The following SLC2A9 variants were observed in gnomAD, a reference collection of about 807,000 sequenced individuals.
SLC2A9 encodes solute carrier family 2, facilitated glucose transporter member 9.
In SLC2A9, 39 loss-of-function variants were observed where a neutral mutation model predicts 50.6. The ratio of observed to expected loss-of-function variants is 0.77; its 90% CI spans 0.60 to 1.01. The LOEUF (loss-of-function observed/expected upper bound fraction) is 1.01, where lower values mean the gene tolerates loss of function less well. Ranked by LOEUF, SLC2A9 falls within the 50% of genes least tolerant of loss-of-function variation. The pLI is 0.00. For missense variants in SLC2A9, 686 were observed against 677.6 expected (o/e 1.01, Z -0.14); for synonymous variants, 324 against 276.9 (o/e 1.17, Z -1.69).
chr4:10,017,773 G>A (rs780524144), intron 2 of SLC2A9, among the ~76,000 whole-genome samples: 7 of 151,846 alleles, frequency 4.6e-5, no homozygotes, highest in Admixed American at 1.3e-4. Context: ...GGAGCTCCCC[G>A]CATTTCCCCA....
chr4:10,015,284 C>T (rs1041589010), intron 2 of SLC2A9, among the ~76,000 whole-genome samples: 3 of 152,132 alleles, frequency 2.0e-5, no homozygotes, highest in Admixed American at 6.5e-5. Flanking sequence ...GGACTGTTGG[C>T]GCCTGCCATT....
rs1032608881 is a variant in SLC2A9 at position 9,799,861 on chromosome 4, G to T, written n.421-620C>A. Among the ~76,000 whole-genome samples, 2 of 152,210 alleles carry T rather than the reference G, an allele frequency of 1.3e-5. 1 individual carries two copies. Among genetic ancestry groups the T allele is most frequent in the African/African-American group, 4.8e-5 (2 of 41,542 alleles). Reference sequence around the variant, plus strand: ...CCAGATGGCAGTCAGCAAGAGAACCGTTACTGAGGGTTGGAAAGATGGTAA... The same window carrying T: ...CCAGATGGCAGTCAGCAAGAGAACCTTTACTGAGGGTTGGAAAGATGGTAA... On this transcript the variant is annotated intron_variant and non_coding_transcript_variant, in intron 3 of 3. Coordinates refer to the SLC2A9 transcript ENST00000503280.
At chr4:10,008,900 G>GTTTTTTTTTTTTTTTTT (rs1553911923) in intron 2 of SLC2A9, among the ~76,000 whole-genome samples, 1 of 134,860 alleles carries the variant, frequency 7.4e-6, no homozygotes, top group African/African-American at 2.7e-5. Context: ...CTGTGCGGTG[G>GTTTTTTTTTTTTTTTTT]TTTTTTTTTT....
chr4:9,943,638 G>C (rs1206144050), intron 5 of SLC2A9, among the ~76,000 whole-genome samples: 1 of 152,218 alleles, frequency 6.6e-6, no homozygotes, highest in East Asian at 1.9e-4. Context: ...ACTTTAAAAG[G>C]ATGAATTTTA....
intron 10 of SLC2A9, among the ~76,000 whole-genome samples, chr4:9,839,782 C>T (rs540216584): frequency 1.3e-5 from 2 of 152,160 alleles, no homozygotes; most frequent in South Asian, 4.2e-4. Flanking sequence ...ATGATGAGAA[C>T]AAATGGACAC....
chr4:10,021,267 T>A lies in SLC2A9; in HGVS notation c.150+13A>T. On this transcript the variant is annotated intron_variant, in intron 1 of 11. Coordinates refer to ENST00000264784, the MANE Select transcript of SLC2A9 (RefSeq NM_020041.3). ...CAGCCCGCCAGCCATGCAGAAAAGC[T>A]GTCCGTAGTTACCTTTCTTCTCCTT... 1 of 1,612,832 alleles carries A rather than the reference T, an allele frequency of 6.2e-7. No homozygotes were observed. The highest frequency in any genetic ancestry group is 1.1e-5 in the South Asian group (1 of 91,020).
Position 9,956,807 on chromosome 4 carries a change from G to A in SLC2A9, c.682-14762C>T, listed in dbSNP as rs992928871. On this transcript the variant is annotated intron_variant, in intron 5 of 11. Transcript: ENST00000264784. Reference sequence around the variant, plus strand: ...ATAAACAAGGCAGATTGTCCATGCCGATTTATCTTATCCATTCCTTAAACG... The same window carrying A: ...ATAAACAAGGCAGATTGTCCATGCCAATTTATCTTATCCATTCCTTAAACG... Among the ~76,000 whole-genome samples the A allele has an allele frequency of 2.6e-5, 4 of 152,244 alleles. No individual in the cohort carries two copies. The South Asian group carries it at 8.3e-4, about 32-fold the overall frequency.
chr4:9,892,136 CTGT>C (rs1339317207), intron 8 of SLC2A9, among the ~76,000 whole-genome samples: 1 of 152,218 alleles, frequency 6.6e-6, no homozygotes, highest in Non-Finnish European at 1.5e-5. Flanking sequence ...TTAGCATGGG[CTGT>C]TGTTCTGCTG....
chr4:9,861,616 C>T lies in SLC2A9; in HGVS notation c.1291+25951G>A, dbSNP rs144984865. Among the ~76,000 whole-genome samples the T allele has an allele frequency of 3.1e-3, 468 of 152,282 alleles. 7 individuals carry two copies. The highest frequency in any genetic ancestry group is 0.011 in the African/African-American group (455 of 41,560). The stretch of plus-strand genomic sequence containing the variant: ...GCTCCATGCACTGCTCCAATTTCTA[C>T]ATTATCTGCCATATAGGGGCTCCTC... On this transcript the variant is annotated intron_variant, in intron 10 of 11. Transcript: ENST00000264784.
At chr4:10,032,824 G>C (rs1763977829) in intron 1 of SLC2A9, among the ~76,000 whole-genome samples, 1 of 152,180 alleles carries the variant, frequency 6.6e-6, no homozygotes, top group Admixed American at 6.5e-5. Flanking sequence ...GGAAGGTAGT[G>C]AAATTTGGCT....
At chr4:9,859,873 T>C (rs985103156) in intron 10 of SLC2A9, among the ~76,000 whole-genome samples, 2 of 152,192 alleles carry the variant, frequency 1.3e-5, no homozygotes, top group Non-Finnish European at 2.9e-5. Flanking sequence ...CTTTCCCCAG[T>C]TGGCTGTGAC....
At chr4:9,821,102 T>C (rs1364770084) in intron 3 of SLC2A9, among the ~76,000 whole-genome samples, 1 of 152,204 alleles carries the variant, frequency 6.6e-6, no homozygotes, top group Non-Finnish European at 1.5e-5. Context: ...GGCAGCTTTT[T>C]TCAATTCCTG....
intron 10 of SLC2A9, among the ~76,000 whole-genome samples, chr4:9,876,043 C>T (rs1372664850): frequency 1.3e-5 from 2 of 152,200 alleles, no homozygotes; most frequent in Non-Finnish European, 2.9e-5. Flanking sequence ...CATGCTTTGT[C>T]GACAGGGGTG....
intron 8 of SLC2A9, among the ~76,000 whole-genome samples, chr4:9,898,037 G>A (rs144178936): frequency 6.6e-6 from 1 of 152,188 alleles, no homozygotes; most frequent in African/African-American, 2.4e-5. Context: ...GAGAGGCACG[G>A]GACATTCTCC....
intron 2 of SLC2A9, among the ~76,000 whole-genome samples, chr4:10,002,425 C>A (rs1760005886): frequency 6.6e-6 from 1 of 152,208 alleles, no homozygotes; most frequent in Non-Finnish European, 1.5e-5. Flanking sequence ...GGCTTATATG[C>A]ACTGGGAGGC....
downstream of SLC2A9, chr4:9,826,089 G>C (rs759909744): frequency 8.5e-6 from 3 of 352,970 alleles, no homozygotes; most frequent in East Asian, 1.9e-4. Flanking sequence ...GAAATCATGG[G>C]TTGAGTCATG....
chr4:10,008,718 C>G (rs1218217072), intron 2 of SLC2A9, among the ~76,000 whole-genome samples: 2 of 152,262 alleles, frequency 1.3e-5, no homozygotes, highest in East Asian at 3.9e-4. Context: ...TGTTCAGGCC[C>G]AAGTGTACCA....
intron 5 of SLC2A9, among the ~76,000 whole-genome samples, chr4:9,947,125 C>T (rs1028922440): frequency 6.6e-6 from 1 of 152,282 alleles, no homozygotes; most frequent in East Asian, 1.9e-4. Flanking sequence ...CCTCTAGGAA[C>T]CAAGTGTGTG....
intron 3 of SLC2A9, among the ~76,000 whole-genome samples, chr4:9,810,213 T>C (rs1015895946): frequency 5.3e-5 from 8 of 152,154 alleles, no homozygotes; most frequent in African/African-American, 1.9e-4. Flanking sequence ...ACCGAGAACA[T>C]TACCGAGTGC....
Sources: allele counts gnomAD v4.1 joint callset (sites outside exome capture counted in the v4.1 genomes callset), GRCh38; gene constraint gnomAD v4.1.1; transcripts MANE v1.5; gene names NCBI Gene and HGNC (gene_info 2026-07-23, HGNC 2026-07-21).